The following DLC1 variants were observed in gnomAD, a reference collection of about 807,000 sequenced individuals.
DLC1 encodes rho GTPase-activating protein 7.
In DLC1, 54 loss-of-function variants were observed where a neutral mutation model predicts 140.3. The ratio of observed to expected loss-of-function variants is 0.38; its 90% confidence interval spans 0.31 to 0.48. The LOEUF (loss-of-function observed/expected upper bound fraction) is 0.48. Among genes scored for constraint, DLC1 ranks in the 20% least tolerant of loss-of-function variants. The pLI is 0.96. For missense variants in DLC1, 2,536 were observed against 1,907.0 expected, an observed-to-expected ratio of 1.33 and a Z score of -6.14; for synonymous variants, 986 against 728.1, an observed-to-expected ratio of 1.35 and a Z score of -5.70.
At chr8:13,104,059 T>C (rs1282657575) in intron 7 of DLC1, among the ~76,000 whole-genome samples, 2 of 152,134 alleles carry the variant, frequency 1.3e-5, no homozygotes, top group Non-Finnish European at 2.9e-5. Flanking sequence ...TTTAGAGTCC[T>C]TGCACAGAAT....
chr8:13,371,648 C>G (rs1306793866), intron 4 of DLC1, among the ~76,000 whole-genome samples: 1 of 151,954 alleles, frequency 6.6e-6, no homozygotes, highest in African/African-American at 2.4e-5. Flanking sequence ...TCCATCTGTC[C>G]TTAAATATCC....
chr8:13,563,030 A>G (rs1420491515), intron 1 of DLC1, among the ~76,000 whole-genome samples: 1 of 152,234 alleles, frequency 6.6e-6, no homozygotes, highest in Admixed American at 6.5e-5. Flanking sequence ...AGATAATCGA[A>G]AACTCTAAAA....
At chr8:13,447,320 T>A (rs181496150) in intron 2 of DLC1, among the ~76,000 whole-genome samples, 40 of 152,372 alleles carry the variant, frequency 2.6e-4, no homozygotes, top group African/African-American at 9.1e-4. Flanking sequence ...ATAATTCTTA[T>A]ATTTTCTTAT....
chr8:13,134,881 TC>T (rs1822434390), intron 5 of DLC1, among the ~76,000 whole-genome samples: 1 of 152,200 alleles, frequency 6.6e-6, no homozygotes, highest in African/African-American at 2.4e-5. Flanking sequence ...GGTATGGGAC[TC>T]CTCCGTTCAA....
At chr8:13,227,708 G>A (rs79699992) in intron 5 of DLC1, among the ~76,000 whole-genome samples, 1,599 of 152,234 alleles carry the variant, frequency 0.011, 26 homozygotes, top group African/African-American at 0.036. Flanking sequence ...AAGACATGAC[G>A]AAAGATAAAT....
chr8:13,381,489 A>G (rs1415622730), intron 4 of DLC1, among the ~76,000 whole-genome samples: 1 of 152,208 alleles, frequency 6.6e-6, no homozygotes, highest in African/African-American at 2.4e-5. Flanking sequence ...GTAGAATACA[A>G]GAGACATCTT....
intron 4 of DLC1, among the ~76,000 whole-genome samples, chr8:13,372,790 C>G (rs1035924854): frequency 1.3e-5 from 2 of 151,968 alleles, no homozygotes; most frequent in Admixed American, 1.3e-4. Context: ...AGAAAAGGGC[C>G]TATATGGTAA....
intron 5 of DLC1, among the ~76,000 whole-genome samples, chr8:13,245,755 C>T (rs893401046): frequency 6.6e-6 from 1 of 152,060 alleles, no homozygotes; most frequent in Non-Finnish European, 1.5e-5. Context: ...GGCTGGAGTG[C>T]AGTGGCATGA....
intron 1 of DLC1, among the ~76,000 whole-genome samples, chr8:13,541,017 C>G (rs1048155527): frequency 6.6e-6 from 1 of 152,224 alleles, no homozygotes; most frequent in Non-Finnish European, 1.5e-5. Flanking sequence ...ATTTAACCAG[C>G]TAATTCTATT....
chr8:13,603,093 C>T (rs1233779096), intron 1 of DLC1, among the ~76,000 whole-genome samples: 1 of 151,778 alleles, frequency 6.6e-6, no homozygotes, highest in African/African-American at 2.4e-5. Context: ...CACAAACATG[C>T]TGTTTTGTTT....
chr8:13,373,794 A>C (rs1835837460), intron 4 of DLC1, among the ~76,000 whole-genome samples: 1 of 152,228 alleles, frequency 6.6e-6, no homozygotes, highest in Non-Finnish European at 1.5e-5. Context: ...AGGCTAGTTC[A>C]ATTATTTAAT....
intron 5 of DLC1, among the ~76,000 whole-genome samples, chr8:13,270,460 G>C (rs748728575): frequency 9.2e-5 from 14 of 152,190 alleles, no homozygotes; most frequent in Non-Finnish European, 1.3e-4. Context: ...TGCTGGTGCT[G>C]CTGCTCTTTT....
intron 5 of DLC1, among the ~76,000 whole-genome samples, chr8:13,242,641 C>A (rs1365363509): frequency 6.6e-6 from 1 of 152,084 alleles, no homozygotes; most frequent in Non-Finnish European, 1.5e-5. Flanking sequence ...GATTCTCCTA[C>A]CTTGGCCTGT....
chr8:13,385,325 A>G (rs886482573), intron 4 of DLC1, among the ~76,000 whole-genome samples: 6 of 152,210 alleles, frequency 3.9e-5, no homozygotes, highest in African/African-American at 1.2e-4. Flanking sequence ...ATTAGAGTCA[A>G]TTTCATAACA....
chr8:13,207,804 C>G (rs894030239), intron 5 of DLC1, among the ~76,000 whole-genome samples: 9 of 152,118 alleles, frequency 5.9e-5, no homozygotes, highest in African/African-American at 2.2e-4. Context: ...CCATGATGTA[C>G]AGTTCTCCAC....
chr8:13,507,494 G>C (rs1359540434), intron 1 of DLC1, among the ~76,000 whole-genome samples: 2 of 152,052 alleles, frequency 1.3e-5, no homozygotes, highest in East Asian at 3.9e-4. Context: ...TTAGACTGTG[G>C]GTGGATAAAC....
intron 7 of DLC1, among the ~76,000 whole-genome samples, chr8:13,105,226 GC>G (rs1209853962): frequency 3.9e-5 from 6 of 152,168 alleles, no homozygotes; most frequent in Non-Finnish European, 4.4e-5. Flanking sequence ...GTAGCACCCA[GC>G]TAATGGCATT....
At chr8:13,237,591 G>C (rs1040983916) in intron 5 of DLC1, among the ~76,000 whole-genome samples, 1 of 151,970 alleles carries the variant, frequency 6.6e-6, no homozygotes, top group African/African-American at 2.4e-5. Flanking sequence ...CCACTGTGTA[G>C]ACTTTTATCC....
intron 5 of DLC1, among the ~76,000 whole-genome samples, chr8:13,228,729 G>A (rs554908548): frequency 1.3e-5 from 2 of 152,306 alleles, no homozygotes; most frequent in African/African-American, 4.8e-5. Context: ...GTGCAACAGA[G>A]CAAGAGCGAG....
Sources: gnomAD v4.1 joint callset for allele counts (sites outside exome capture counted in the v4.1 genomes callset) on GRCh38, gnomAD v4.1.1 for gene constraint, MANE v1.5 for transcripts, NCBI Gene and HGNC (gene_info 2026-07-23, HGNC 2026-07-21) for gene names.